The following DYM variants were observed in gnomAD, a reference collection of about 807,000 sequenced individuals.
The protein encoded by DYM is dyggve-Melchior-Clausen syndrome protein.
DYM carries 78 observed loss-of-function variants against 93.1 expected under a neutral mutation model. The ratio of observed to expected loss-of-function variants is 0.84; its 90% CI spans 0.70 to 1.01. The LOEUF is 1.01. DYM is among the 50% of genes least tolerant of loss of function. The pLI is 0.00. For synonymous variants in DYM, 321 were observed against 319.7 expected (o/e 1.00, Z -0.04); for missense variants, 789 against 845.0 (o/e 0.93, Z 0.82).
At chr18:49,411,576 A>C (rs1222458072) in intron 2 of DYM, among the ~76,000 whole-genome samples, 1 of 152,144 alleles carries the variant, frequency 6.6e-6, no homozygotes, top group African/African-American at 2.4e-5. Flanking sequence ...AAAGTGAGAA[A>C]TTAATAGCTC....
intron 14 of DYM, among the ~76,000 whole-genome samples, chr18:49,183,978 C>T (rs1461141538): frequency 6.6e-6 from 1 of 152,166 alleles, no homozygotes; most frequent in Non-Finnish European, 1.5e-5. Context: ...GGGGAGGGCC[C>T]TCACCAGACC....
chr18:49,080,616 G>A (rs1172945393), intron 17 of DYM, among the ~76,000 whole-genome samples: 19 of 145,848 alleles, frequency 1.3e-4, no homozygotes, highest in South Asian at 2.2e-4. Flanking sequence ...CCTCCTGGAC[G>A]GGGCGGCTGG....
chr18:49,201,320 T>C (rs576934063), intron 14 of DYM, among the ~76,000 whole-genome samples: 1 of 152,326 alleles, frequency 6.6e-6, no homozygotes, highest in South Asian at 2.1e-4. Context: ...TCAATTCCTT[T>C]TTTTTTCAAA....
intron 2 of DYM, among the ~76,000 whole-genome samples, chr18:49,411,692 CAT>C (rs1200186214): frequency 6.6e-6 from 1 of 152,118 alleles, no homozygotes; most frequent in Non-Finnish European, 1.5e-5. Flanking sequence ...AGTTTCATAA[CAT>C]AAACACTGAA....
intron 6 of DYM, among the ~76,000 whole-genome samples, chr18:49,348,614 A>C (rs2064822298): frequency 6.6e-6 from 1 of 151,868 alleles, no homozygotes; most frequent in Admixed American, 6.6e-5. Flanking sequence ...TGATTTATAA[A>C]AAAAAAAAAA....
chr18:49,258,527 G>A, intron 11 of DYM, 34 bp from the exon 12 acceptor site: 2 of 1,313,126 alleles, frequency 1.5e-6, no homozygotes, highest in Non-Finnish European at 2.2e-6. Flanking sequence ...AGTAAAAAAT[G>A]ATTGCTTTAC....
intron 15 of DYM, among the ~76,000 whole-genome samples, chr18:49,148,838 G>C (rs978887668): frequency 4.6e-5 from 7 of 152,192 alleles, no homozygotes; most frequent in African/African-American, 1.4e-4. Context: ...TATTTTATTA[G>C]AGTAGCACCA....
intron 2 of DYM, among the ~76,000 whole-genome samples, chr18:49,419,320 C>A (rs1450405261): frequency 6.6e-6 from 1 of 152,024 alleles, no homozygotes; most frequent in African/African-American, 2.4e-5. Context: ...GATTGCACCA[C>A]TGCACTCCAG....
chr18:49,414,210 C>T (rs908080673), intron 2 of DYM, among the ~76,000 whole-genome samples: 4 of 152,020 alleles, frequency 2.6e-5, no homozygotes, highest in African/African-American at 9.7e-5. Context: ...GCATTTCTAT[C>T]TGAGGTGATG....
At chr18:49,082,638 GA>G (rs2078159359) in intron 17 of DYM, among the ~76,000 whole-genome samples, 2 of 152,182 alleles carry the variant, frequency 1.3e-5, no homozygotes, top group Non-Finnish European at 1.5e-5. Context: ...AAACAGTACA[GA>G]ATGGTAAAGA....
chr18:49,125,967 C>A (rs1433327673), intron 15 of DYM, among the ~76,000 whole-genome samples: 1 of 152,194 alleles, frequency 6.6e-6, no homozygotes, highest in Non-Finnish European at 1.5e-5. Context: ...GGCTTAAAGC[C>A]TTCTCATCAT....
chr18:49,348,667 G>C (rs556822564), intron 6 of DYM, among the ~76,000 whole-genome samples: 17 of 152,052 alleles, frequency 1.1e-4, no homozygotes, highest in South Asian at 4.2e-4. Flanking sequence ...CCAGCACTTT[G>C]GGAGGCCAAG....
At chr18:49,138,551 T>C (rs909495732) in intron 15 of DYM, among the ~76,000 whole-genome samples, 4 of 152,128 alleles carry the variant, frequency 2.6e-5, no homozygotes, top group Non-Finnish European at 5.9e-5. Context: ...TCTAGGCAGG[T>C]GGGGAGGTTT....
At chr18:49,292,315 GGC>G (rs2060168709) in intron 8 of DYM, among the ~76,000 whole-genome samples, 2 of 37,788 alleles carry the variant, frequency 5.3e-5, no homozygotes, top group Non-Finnish European at 1.5e-4. Flanking sequence ...CAGACAGACA[GGC>G]AGGCAGGCAG....
rs928840251 is a variant in DYM, at chr18:49,272,159, C to G, written c.1251+19G>C. ...CTGTTCTGTTAACTCTAACTCTAAT[C>G]CAAGTAATGGTAACTTACCACTTCA... On this transcript the variant is annotated intron_variant, in intron 11 of 17. Transcript: ENST00000675505. The G allele has an allele frequency of 3.7e-6, 6 of 1,609,932 alleles. No homozygotes were observed. Among genetic ancestry groups the G allele is most frequent in the Non-Finnish European group, 5.1e-6 (6 of 1,176,846 alleles).
chr18:49,079,866 C>T (rs1275316851), intron 17 of DYM, among the ~76,000 whole-genome samples: 1 of 151,542 alleles, frequency 6.6e-6, no homozygotes, highest in South Asian at 2.1e-4. Context: ...CCCCCCCTTT[C>T]TATTCCACAA....
At chr18:49,456,341 A>G (rs2082982576) in intron 1 of DYM, among the ~76,000 whole-genome samples, 1 of 152,256 alleles carries the variant, frequency 6.6e-6, no homozygotes, top group Non-Finnish European at 1.5e-5. Flanking sequence ...TGTTATTCAT[A>G]GCCAAACCTA....
chr18:49,239,718 A>G (rs1484049882), intron 13 of DYM, among the ~76,000 whole-genome samples: 3 of 152,206 alleles, frequency 2.0e-5, no homozygotes, highest in African/African-American at 7.2e-5. Flanking sequence ...CAGCCTTGAG[A>G]TGGGAGCACA....
At chr18:49,418,384 C>A (rs1056344788) in intron 2 of DYM, among the ~76,000 whole-genome samples, 8 of 152,028 alleles carry the variant, frequency 5.3e-5, no homozygotes, top group Admixed American at 1.3e-4. Context: ...ATATTATTAA[C>A]CTTTAGTCTT....
Sources: allele counts gnomAD v4.1 joint callset (sites outside exome capture counted in the v4.1 genomes callset), GRCh38; gene constraint gnomAD v4.1.1; transcripts MANE v1.5; gene names NCBI Gene and HGNC (gene_info 2026-07-23, HGNC 2026-07-21).